TTC29: variants seen among roughly 807,000 people sequenced by gnomAD.
TTC29 encodes tetratricopeptide repeat domain 29.
A neutral mutation model predicts 58.1 loss-of-function variants in TTC29; 49 were observed. The ratio of observed to expected loss-of-function variants is 0.84; its 90% CI spans 0.67 to 1.07. TTC29 has a LOEUF of 1.07. TTC29 is among the 50% of genes least tolerant of loss of function. TTC29 has a pLI of 0.00. For missense variants in TTC29, 582 were observed against 555.6 expected (o/e 1.05, Z -0.48); for synonymous variants, 209 against 196.8 (o/e 1.06, Z -0.52).
chr4:146,882,118 T>A (rs552215783), intron 6 of TTC29, among the ~76,000 whole-genome samples: 17 of 152,190 alleles, frequency 1.1e-4, no homozygotes, highest in African/African-American at 4.1e-4. Context: ...GAAATAAAAG[T>A]TCATTTTTTT....
intron 11 of TTC29, among the ~76,000 whole-genome samples, chr4:146,711,738 C>T (rs1003069160): frequency 1.3e-5 from 2 of 152,066 alleles, no homozygotes; most frequent in Non-Finnish European, 2.9e-5. Flanking sequence ...AGAAACAGTA[C>T]TTCTCTCTCA....
chr4:146,841,465 C>CA (rs994625574), intron 8 of TTC29, among the ~76,000 whole-genome samples: 23 of 151,484 alleles, frequency 1.5e-4, no homozygotes, highest in East Asian at 3.9e-4. Context: ...AACAAACAAG[C>CA]AAAAAAAACA....
chr4:146,725,627 C>T (rs998645356), intron 11 of TTC29, among the ~76,000 whole-genome samples: 2 of 152,086 alleles, frequency 1.3e-5, no homozygotes, highest in African/African-American at 4.8e-5. Flanking sequence ...GTCTTATCAC[C>T]AAAAAGCCTA....
intron 11 of TTC29, among the ~76,000 whole-genome samples, chr4:146,745,565 G>A (rs1745480403): frequency 6.6e-6 from 1 of 152,172 alleles, no homozygotes; most frequent in Admixed American, 6.5e-5. Context: ...CTGAACAATG[G>A]TTAGACTTGT....
chr4:146,872,707 G>A (rs1041106137), intron 7 of TTC29, among the ~76,000 whole-genome samples: 5 of 151,974 alleles, frequency 3.3e-5, no homozygotes, highest in Non-Finnish European at 7.4e-5. Context: ...CACCTACTAG[G>A]ATGAGTATAA....
At chr4:146,833,967 GA>G (rs1216416744) in intron 8 of TTC29, 70 bp from the exon 9 acceptor site, 3 of 1,069,150 alleles carry the variant, frequency 2.8e-6, no homozygotes, top group South Asian at 1.6e-5. Context: ...TTTCATAACA[GA>G]AAAAAATAAA....
intron 11 of TTC29, among the ~76,000 whole-genome samples, chr4:146,764,446 C>A (rs1382208646): frequency 6.6e-6 from 1 of 151,886 alleles, no homozygotes; most frequent in African/African-American, 2.4e-5. Context: ...AACTCCAAAC[C>A]TTTATCACCT....
intron 6 of TTC29, among the ~76,000 whole-genome samples, chr4:146,875,497 C>A (rs1387796476): frequency 3.3e-5 from 5 of 150,468 alleles, no homozygotes; most frequent in Non-Finnish European, 5.9e-5. Context: ...TTTCATCATT[C>A]TTTTTTTCTT....
chr4:146,714,123 T>C (rs956103397), intron 11 of TTC29, among the ~76,000 whole-genome samples: 2 of 152,078 alleles, frequency 1.3e-5, no homozygotes, highest in Admixed American at 6.6e-5. Flanking sequence ...ACACTGGACA[T>C]CAGACAACAA....
chr4:146,883,004 T>C (rs1731737428), intron 6 of TTC29, among the ~76,000 whole-genome samples: 2 of 152,118 alleles, frequency 1.3e-5, no homozygotes, highest in East Asian at 1.9e-4. Flanking sequence ...CCTTACTTCA[T>C]CACCCTCAGG....
intron 8 of TTC29, among the ~76,000 whole-genome samples, chr4:146,862,762 G>C (rs912103154): frequency 3.3e-5 from 5 of 152,156 alleles, no homozygotes; most frequent in Non-Finnish European, 7.3e-5. Context: ...GAGCCTGAGG[G>C]CTGGAATACG....
chr4:146,924,750 CTTTGAG>C (rs1734815587), intron 4 of TTC29, among the ~76,000 whole-genome samples: 1 of 151,576 alleles, frequency 6.6e-6, no homozygotes, highest in African/African-American at 2.4e-5. Context: ...TCTCTACTAA[CTTTGAG>C]TTTAATTTGC....
intron 10 of TTC29, among the ~76,000 whole-genome samples, chr4:146,811,276 T>A (rs1471046791): frequency 6.6e-6 from 1 of 152,152 alleles, no homozygotes; most frequent in Admixed American, 6.6e-5. Flanking sequence ...CTTTCACATG[T>A]CACCCTATGA....
intron 11 of TTC29, among the ~76,000 whole-genome samples, chr4:146,725,470 A>G (rs1024186178): frequency 6.6e-6 from 1 of 152,182 alleles, no homozygotes; most frequent in Non-Finnish European, 1.5e-5. Flanking sequence ...TGGGGAGGTC[A>G]AAGCTGCAGT....
Position 146,939,642 on chromosome 4 carries a change from G to A in TTC29, c.92+162C>T, listed in dbSNP as rs568441431. On this transcript the variant is annotated intron_variant, in intron 3 of 12. Transcript: ENST00000325106. ...AATATATTTGCAGTATTTGAATGTG[G>A]TTCATAAATCCTTTTGAAACAGCAG... Among the ~76,000 whole-genome samples the A allele has an allele frequency of 1.9e-4, 29 of 152,230 alleles. No individual in the cohort carries two copies. The South Asian group carries it at 6.0e-3, about 32-fold the overall frequency.
intron 12 of TTC29, 135 bp from the exon 13 acceptor site, chr4:146,707,323 A>G (rs1184679707): frequency 4.5e-5 from 35 of 785,804 alleles, no homozygotes; most frequent in Middle Eastern, 3.7e-4. Flanking sequence ...CTTATGTGAC[A>G]TTTGAAAATA....
intron 11 of TTC29, among the ~76,000 whole-genome samples, chr4:146,768,568 T>TG (rs1747496343): frequency 6.6e-6 from 1 of 151,868 alleles, no homozygotes; most frequent in Non-Finnish European, 1.5e-5. Context: ...TTTGAAGAGA[T>TG]TTTTTCCCCT....
intron 11 of TTC29, among the ~76,000 whole-genome samples, chr4:146,747,309 G>C (rs1745619785): frequency 6.6e-6 from 1 of 152,136 alleles, no homozygotes; most frequent in African/African-American, 2.4e-5. Flanking sequence ...TAGAGTGTGT[G>C]TCCTACTCCA....
chr4:146,787,434 A>G (rs1749105879), intron 11 of TTC29, among the ~76,000 whole-genome samples: 1 of 152,220 alleles, frequency 6.6e-6, no homozygotes. Flanking sequence ...TAGTAGTTGT[A>G]GCAAAAGCAA....
Sources: allele counts gnomAD v4.1 joint callset (sites outside exome capture counted in the v4.1 genomes callset), GRCh38; gene constraint gnomAD v4.1.1; transcripts MANE v1.5; gene names NCBI Gene and HGNC (gene_info 2026-07-23, HGNC 2026-07-21).